The following DSCAM variants were observed in gnomAD, a reference collection of about 807,000 sequenced individuals.
DSCAM encodes cell adhesion molecule DSCAM.
In DSCAM, 47 loss-of-function variants were observed where a neutral mutation model predicts 217.7. That is an observed-to-expected ratio of 0.22 (90% confidence interval 0.17 to 0.28). The LOEUF is 0.28. DSCAM is among the 10% of genes least tolerant of loss of function. DSCAM has a pLI of 1.00. For missense variants in DSCAM, 2,080 were observed against 2,618.3 expected, an observed-to-expected ratio of 0.79 and a Z score of 4.49; for synonymous variants, 1,056 against 1,015.3, an observed-to-expected ratio of 1.04 and a Z score of -0.76.
chr21:40,345,233 C>A (rs2074544977), intron 6 of DSCAM, among the ~76,000 whole-genome samples: 1 of 152,182 alleles, frequency 6.6e-6, no homozygotes, highest in Non-Finnish European at 1.5e-5. Flanking sequence ...TGGGTCCTCT[C>A]ATGATTTGTT....
intron 11 of DSCAM, among the ~76,000 whole-genome samples, chr21:40,227,395 C>T (rs1054699051): frequency 6.6e-6 from 1 of 152,230 alleles, no homozygotes; most frequent in Non-Finnish European, 1.5e-5. Context: ...TTAACCAACT[C>T]TTTGGAAAAG....
In DSCAM at chr21:40,187,154, T is replaced by C; in HGVS notation, c.2756A>G (p.Asp919Gly). 6.2e-7 allele frequency: 1 copy of C among 1,614,100 alleles called. No individual in the cohort carries two copies. The highest frequency in any genetic ancestry group is 8.5e-7 in the Non-Finnish European group (1 of 1,179,976). ...ACCTGATTTATTTTTGCATTCAATA[T>C]CGTAGCCTGTGATGGGACTGTTTCC... ...FDGNSPITGY[D>G]IECKNKSDSW... is the part of the protein sequence containing the mutation. Residue 919 changes from aspartate to glycine, a missense_variant, in exon 14 of 33, where the codon GAT (aspartate) becomes GGT (glycine). This residue lies in a region of DSCAM where 1,144 missense variants were observed against 1,421.1 expected (regional missense o/e 0.81). Transcript: ENST00000400454.
intron 14 of DSCAM, among the ~76,000 whole-genome samples, chr21:40,183,243 C>A (rs1283671185): frequency 6.6e-6 from 1 of 152,186 alleles, no homozygotes; most frequent in African/African-American, 2.4e-5. Flanking sequence ...GACGAATCTG[C>A]TGGAGGTCCC....
intron 1 of DSCAM, among the ~76,000 whole-genome samples, chr21:40,782,495 AGGCGG>A (rs2091555727): frequency 2.6e-5 from 4 of 152,214 alleles, no homozygotes; most frequent in African/African-American, 9.6e-5. Flanking sequence ...TGGGAGGCCG[AGGCGG>A]GAGGATCGCT....
intron 3 of DSCAM, among the ~76,000 whole-genome samples, chr21:40,406,227 TG>T (rs2075278795): frequency 1.3e-5 from 2 of 152,176 alleles, no homozygotes; most frequent in Admixed American, 6.5e-5. Flanking sequence ...ACAGTCACTA[TG>T]GAAAATGGTA....
chr21:40,619,839 T>TA (rs1234717873), intron 3 of DSCAM, among the ~76,000 whole-genome samples: 20 of 120,422 alleles, frequency 1.7e-4, no homozygotes, highest in South Asian at 7.9e-4. Flanking sequence ...TTTAAGCATG[T>TA]AAAGAAAAAA....
chr21:40,493,507 A>G (rs1429406792), intron 3 of DSCAM, among the ~76,000 whole-genome samples: 2 of 152,214 alleles, frequency 1.3e-5, no homozygotes, highest in Non-Finnish European at 2.9e-5. Context: ...TAAAAATAAT[A>G]TTAGCTACAA....
At chr21:40,214,446 T>G (rs1190164149) in intron 11 of DSCAM, among the ~76,000 whole-genome samples, 1 of 152,166 alleles carries the variant, frequency 6.6e-6, no homozygotes, top group African/African-American at 2.4e-5. Context: ...TCCAAGATGA[T>G]GGAATATAGG....
At chr21:40,572,692 C>T (rs925205070) in intron 3 of DSCAM, among the ~76,000 whole-genome samples, 1 of 152,104 alleles carries the variant, frequency 6.6e-6, no homozygotes, top group Non-Finnish European at 1.5e-5. Flanking sequence ...GTCACTCCAT[C>T]AAGAAGAAGT....
chr21:40,153,062 T>C (rs1476257784), intron 16 of DSCAM, among the ~76,000 whole-genome samples: 3 of 152,246 alleles, frequency 2.0e-5, no homozygotes, highest in African/African-American at 7.2e-5. Context: ...CCACTTAAAA[T>C]GTAATCTATC....
At chr21:40,134,755 G>C (rs563964901) in intron 18 of DSCAM, among the ~76,000 whole-genome samples, 54 of 152,268 alleles carry the variant, frequency 3.5e-4, no homozygotes, top group East Asian at 9.7e-4. Flanking sequence ...CTGCATGTCT[G>C]AAATATATGC....
chr21:40,073,136 A>G lies in DSCAM; in HGVS notation c.4888+1901T>C, dbSNP rs1397689978. 2.6e-5 allele frequency among the ~76,000 whole-genome samples: 4 copies of G among 152,330 alleles called. No homozygotes were observed. The East Asian group carries it at 7.7e-4, about 29-fold the overall frequency. ...CCTTTAACTGGAGGTGCTCTCAGCGAGAGGAAATGCACAGCTGGGGTGCTC... is the reference window on the plus strand; with the variant it reads ...CCTTTAACTGGAGGTGCTCTCAGCGGGAGGAAATGCACAGCTGGGGTGCTC... On this transcript the variant is annotated intron_variant, in intron 27 of 32. Coordinates refer to ENST00000400454, the MANE Select transcript of DSCAM (RefSeq NM_001389.5).
At chr21:40,672,125 G>A (rs1247676865) in intron 3 of DSCAM, among the ~76,000 whole-genome samples, 1 of 152,158 alleles carries the variant, frequency 6.6e-6, no homozygotes, top group African/African-American at 2.4e-5. Flanking sequence ...TATTGGGTTA[G>A]GTACTGCCCT....
chr21:40,257,134 G>T (rs534322592), intron 11 of DSCAM, among the ~76,000 whole-genome samples: 10 of 152,216 alleles, frequency 6.6e-5, no homozygotes, highest in South Asian at 4.1e-4. Flanking sequence ...AGATACAATT[G>T]TTTCTTGGTA....
intron 11 of DSCAM, among the ~76,000 whole-genome samples, chr21:40,240,004 T>C (rs1200617660): frequency 6.6e-6 from 1 of 152,172 alleles, no homozygotes; most frequent in African/African-American, 2.4e-5. Flanking sequence ...GCCTCTACCA[T>C]AGCTGCTCAG....
intron 3 of DSCAM, among the ~76,000 whole-genome samples, chr21:40,463,792 G>T (rs1329416481): frequency 6.6e-6 from 1 of 152,128 alleles, no homozygotes; most frequent in Non-Finnish European, 1.5e-5. Flanking sequence ...CATCCTTCTT[G>T]TTCCCTGAGC....
rs186577747 is a variant in DSCAM, at chr21:40,245,322, G to C, written c.2356+30775C>G. On this transcript the variant is annotated intron_variant, in intron 11 of 32. Transcript: ENST00000400454. ...GGGAGGACCTCTTTAGGACAAAAAG[G>C]GGCCTGTTATCCTAACAAGGGCAAG... 3.7e-3 allele frequency among the ~76,000 whole-genome samples: 556 copies of C among 152,202 alleles called. 19 individuals carry two copies. The highest frequency in any genetic ancestry group is 6.5e-4 in the Non-Finnish European group (44 of 68,016).
intron 27 of DSCAM, among the ~76,000 whole-genome samples, chr21:40,072,402 A>G (rs371139466): frequency 2.7e-5 from 4 of 148,796 alleles, no homozygotes; most frequent in African/African-American, 1.0e-4. Flanking sequence ...GCTGGAGTGC[A>G]GTGGCGGGAT....
intron 32 of DSCAM, among the ~76,000 whole-genome samples, chr21:40,021,205 CAAAAAA>C (rs763435750): frequency 1.4e-4 from 12 of 85,082 alleles, no homozygotes; most frequent in South Asian, 4.8e-4. Flanking sequence ...GACTCCGTCT[CAAAAAA>C]AAAAAAAAAA....
Sources: gnomAD v4.1 joint callset for allele counts (sites outside exome capture counted in the v4.1 genomes callset) on GRCh38, gnomAD v4.1.1 for gene constraint, gnomAD v4.1.1 regional missense constraint, MANE v1.5 for transcripts, NCBI Gene and HGNC (gene_info 2026-07-23, HGNC 2026-07-21) for gene names.